CNTN4: variants seen among roughly 807,000 people sequenced by gnomAD.
CNTN4 encodes the protein contactin 4, also known as contactin-4.
A neutral mutation model predicts 122.5 loss-of-function variants in CNTN4; 77 were observed. The ratio of observed to expected loss-of-function variants is 0.63; its 90% CI spans 0.52 to 0.76. CNTN4 has a LOEUF of 0.76. Ranked by LOEUF, CNTN4 falls within the 30% of genes least tolerant of loss-of-function variation. The pLI, the probability that CNTN4 is intolerant of heterozygous loss-of-function variation, is 0.00. For missense variants in CNTN4, 1,256 were observed against 1,259.1 expected (o/e 1.00, Z 0.04); for synonymous variants, 512 against 447.0 (o/e 1.15, Z -1.83).
At chr3:2,175,553 CG>C (rs930058642) in intron 2 of CNTN4, among the ~76,000 whole-genome samples, 1 of 152,018 alleles carries the variant, frequency 6.6e-6, no homozygotes, top group Non-Finnish European at 1.5e-5. Context: ...ATTAAGAATA[CG>C]GGGAAAGGTT....
chr3:2,631,522 G>T (rs545318357), intron 4 of CNTN4, among the ~76,000 whole-genome samples: 1 of 152,216 alleles, frequency 6.6e-6, no homozygotes, highest in Non-Finnish European at 1.5e-5. Flanking sequence ...GATTGATTCA[G>T]TCATGTCCAC....
At chr3:3,025,594 A>G (rs1698660283) in intron 14 of CNTN4, among the ~76,000 whole-genome samples, 1 of 152,188 alleles carries the variant, frequency 6.6e-6, no homozygotes, top group Non-Finnish European at 1.5e-5. Flanking sequence ...TTATCTGGGT[A>G]GGATTTGTTT....
intron 4 of CNTN4, among the ~76,000 whole-genome samples, chr3:2,669,101 C>G (rs1429457749): frequency 6.6e-6 from 1 of 152,120 alleles, no homozygotes; most frequent in South Asian, 2.1e-4. Context: ...TGATGCTGGC[C>G]TCATAAAACG....
At chr3:2,650,837 C>G (rs1300327168) in intron 4 of CNTN4, among the ~76,000 whole-genome samples, 1 of 152,110 alleles carries the variant, frequency 6.6e-6, no homozygotes, top group African/African-American at 2.4e-5. Flanking sequence ...CTCTTGTATG[C>G]AATGGAAAAC....
At chr3:2,516,790 T>A (rs1324270102) in intron 3 of CNTN4, among the ~76,000 whole-genome samples, 1 of 152,130 alleles carries the variant, frequency 6.6e-6, no homozygotes, top group Non-Finnish European at 1.5e-5. Context: ...CTATACATTC[T>A]GAAGATATGG....
At chr3:2,578,881 G>GA (rs1180462827) in intron 4 of CNTN4, among the ~76,000 whole-genome samples, 3 of 151,332 alleles carry the variant, frequency 2.0e-5, no homozygotes, top group African/African-American at 4.8e-5. Context: ...TGAAAGTTAA[G>GA]AAAAAAAATA....
intron 6 of CNTN4, among the ~76,000 whole-genome samples, chr3:2,777,956 T>G (rs2091395859): frequency 6.6e-6 from 1 of 152,124 alleles, no homozygotes; most frequent in Non-Finnish European, 1.5e-5. Context: ...GGCTCATGCC[T>G]GTAATGCCAG....
rs761852725 is a variant in CNTN4, at chr3:2,385,504, T to A, written c.-89+46271T>A. Among the ~76,000 whole-genome samples, 10 of 152,102 alleles carry A rather than the reference T, an allele frequency of 6.6e-5. No homozygotes were observed. The highest frequency in any genetic ancestry group is 1.2e-4 in the Non-Finnish European group (8 of 68,036). Reference sequence around the variant, plus strand: ...GTACCATACACAGGGTGACTTAAAATGACAGAAGTTTATTCTCTCACACTT... The same window carrying A: ...GTACCATACACAGGGTGACTTAAAAAGACAGAAGTTTATTCTCTCACACTT... On this transcript the variant is annotated intron_variant, in intron 3 of 24. Transcript: ENST00000418658. The surrounding 1 kb of genome is among the most constrained non-coding windows in gnomAD (Gnocchi z 4.0).
At chr3:2,634,749 C>T (rs113761029) in intron 4 of CNTN4, among the ~76,000 whole-genome samples, 16 of 151,122 alleles carry the variant, frequency 1.1e-4, no homozygotes, top group South Asian at 1.0e-3. Context: ...CCACCTACTC[C>T]GGAGGCTGAG....
At chr3:2,249,662 G>A (rs2040299289) in intron 2 of CNTN4, among the ~76,000 whole-genome samples, 1 of 151,744 alleles carries the variant, frequency 6.6e-6, no homozygotes, top group African/African-American at 2.4e-5. Flanking sequence ...AATGGGTCTT[G>A]GTAAAACATG....
chr3:3,042,370 T>G lies in CNTN4; in HGVS notation c.2459T>G (p.Val820Gly). 1 of 1,614,098 alleles carries G rather than the reference T, an allele frequency of 6.2e-7. No individual in the cohort carries two copies. Among genetic ancestry groups the G allele is most frequent in the Non-Finnish European group, 8.5e-7 (1 of 1,179,998 alleles). ...ARSLSATDIEVFWASPLEKNR... is the reference protein window; with the variant it reads ...ARSLSATDIEGFWASPLEKNR... ...AGTCTTTCTGCCACAGATATTGAAGTTTTCTGGGCCTCCCCACTGGAGAAG... is the reference window on the plus strand; with the variant it reads ...AGTCTTTCTGCCACAGATATTGAAGGTTTCTGGGCCTCCCCACTGGAGAAG... Residue 820 changes from valine (V) to glycine (G), a missense_variant, in exon 21 of 25, where the codon GTT (valine) becomes GGT (glycine). By Grantham distance (109) the Val-to-Gly change is moderately radical. Coordinates refer to ENST00000418658, the MANE Select transcript of CNTN4 (RefSeq NM_175607.3).
intron 2 of CNTN4, among the ~76,000 whole-genome samples, chr3:2,137,782 C>T (rs1007838690): frequency 1.1e-4 from 16 of 152,198 alleles, no homozygotes; most frequent in Non-Finnish European, 1.8e-4. Context: ...ATGAAAAGGA[C>T]AAAGCCAAAG....
intron 3 of CNTN4, among the ~76,000 whole-genome samples, chr3:2,406,815 C>G (rs899850174): frequency 6.6e-6 from 1 of 152,076 alleles, no homozygotes. Context: ...TGTGGTTTTA[C>G]CAGTTAAAAC....
chr3:2,171,186 C>T (rs569039946), intron 2 of CNTN4, among the ~76,000 whole-genome samples: 30 of 152,120 alleles, frequency 2.0e-4, no homozygotes, highest in African/African-American at 6.7e-4. Context: ...AAACCATGCA[C>T]CTAAATGTCC....
At chr3:2,135,799 T>C (rs570735960) in intron 2 of CNTN4, among the ~76,000 whole-genome samples, 2 of 152,300 alleles carry the variant, frequency 1.3e-5, no homozygotes, top group South Asian at 2.1e-4. Flanking sequence ...TTACCATAAG[T>C]ATGGAAAATG....
chr3:2,278,992 C>G (rs889772180), intron 2 of CNTN4, among the ~76,000 whole-genome samples: 3 of 151,850 alleles, frequency 2.0e-5, no homozygotes, highest in Non-Finnish European at 4.4e-5. Flanking sequence ...AAGATCATGC[C>G]CATCAAGTTA....
At chr3:2,641,138 A>T (rs542460241) in intron 4 of CNTN4, among the ~76,000 whole-genome samples, 2 of 152,286 alleles carry the variant, frequency 1.3e-5, no homozygotes, top group South Asian at 2.1e-4. Flanking sequence ...ATGTTTTTTT[A>T]AAAAAGAAAT....
At chr3:2,382,943 C>T (rs1357037943) in intron 3 of CNTN4, among the ~76,000 whole-genome samples, 1 of 151,982 alleles carries the variant, frequency 6.6e-6, no homozygotes, top group Non-Finnish European at 1.5e-5. Flanking sequence ...GGCATGGTGG[C>T]AGGCGCCTGT....
chr3:2,764,488 G>A (rs1195617051), intron 6 of CNTN4, among the ~76,000 whole-genome samples: 1 of 152,212 alleles, frequency 6.6e-6, no homozygotes, highest in African/African-American at 2.4e-5. Flanking sequence ...GGAGGGCACA[G>A]AGCAAGGCTG....
Sources: allele counts gnomAD v4.1 joint callset (sites outside exome capture counted in the v4.1 genomes callset), GRCh38; gene constraint gnomAD v4.1.1; non-coding constraint Gnocchi (gnomAD v3.1); transcripts MANE v1.5; gene names NCBI Gene and HGNC (gene_info 2026-07-23, HGNC 2026-07-21).